GHRL: variants seen among roughly 807,000 people sequenced by gnomAD.
GHRL encodes ghrelin and obestatin prepropeptide, also known as appetite-regulating hormone.
A neutral mutation model predicts 16.9 loss-of-function variants in GHRL; 24 were observed. The ratio of observed to expected loss-of-function variants is 1.42; its 90% CI spans 1.03 to 2.00. The LOEUF is 2.00. Among genes scored for constraint, GHRL ranks in the 30% most tolerant of loss-of-function variants. The pLI is 0.00. For missense variants in GHRL, 193 were observed against 142.1 expected, an observed-to-expected ratio of 1.36 and a Z score of -1.82; for synonymous variants, 63 against 58.2, an observed-to-expected ratio of 1.08 and a Z score of -0.37.
In GHRL at chr3:10,290,142, G is replaced by A. The variant is rs1338000290; in HGVS notation, c.39C>T (p.Leu13=). Reference sequence around the variant, plus strand: ...TGGCCAAGTCCAGCCAGAGCATGCCGAGGAGCAGGAGGCTGCAGACGGTCC... The same window carrying A: ...TGGCCAAGTCCAGCCAGAGCATGCCAAGGAGCAGGAGGCTGCAGACGGTCC... ...SPGTVCSLLL[L]GMLWLDLAMA... is the part of the protein sequence containing the mutation. The change falls in exon 3 of 6, where the codon CTC becomes CTT. Residue 13 remains leucine, a synonymous_variant. Coordinates refer to ENST00000335542, the MANE Select transcript of GHRL (RefSeq NM_016362.5). The A allele has an allele frequency of 1.2e-6, 2 of 1,613,096 alleles. No individual in the cohort carries two copies. The highest frequency in any genetic ancestry group is 1.7e-6 in the Non-Finnish European group (2 of 1,179,830).
At position 10,286,810 on chromosome 3, in the gene GHRL, G is replaced by T; in HGVS notation, c.228C>A (p.Phe76Leu). The T allele has an allele frequency of 6.3e-7, 1 of 1,593,562 alleles. No individual in the cohort carries two copies. Among genetic ancestry groups the T allele is most frequent in the South Asian group, 1.1e-5 (1 of 90,598 alleles). ...TGATTCCAACATCAAAGGGGGCGTT[G>T]AACTAGGAGGCAGGGCAGGGAGGAC... ...EGAEDELEVR[F>L]NAPFDVGIKL... Residue 76 changes from phenylalanine to leucine, a missense_variant and splice_region_variant, in exon 5 of 6, where the codon TTC becomes TTA. Phe to Leu is a conservative substitution (Grantham distance 22). Coordinates refer to ENST00000335542, the MANE Select transcript of GHRL (RefSeq NM_016362.5).
In GHRL at chr3:10,290,730, G is replaced by A. The variant is rs186274860; in HGVS notation, c.-44C>T. On this transcript the variant is annotated 5_prime_UTR_variant, in exon 2 of 6. Coordinates refer to ENST00000335542, the MANE Select transcript of GHRL (RefSeq NM_016362.5). ...AGAGAGCTTACCTGCAGTTCCTGGC[G>A]GAGGTGGTGCCTGGTGGCTGTCAGG... 1.5e-3 allele frequency: 1,503 copies of A among 1,000,044 alleles called. No individual in the cohort carries two copies. Among genetic ancestry groups the A allele is most frequent in the Non-Finnish European group, 1.8e-3 (1,469 of 839,110 alleles). 61.9% of individuals were successfully genotyped at this position (1,000,044 alleles called of 1,614,324 possible).
chr3:10,292,538 T>C, intron 1 of GHRL: 1 of 383,984 alleles, frequency 2.6e-6, no homozygotes, highest in Non-Finnish European at 4.6e-6. Flanking sequence ...ACAAAGTACC[T>C]CCTGTTGGTA....
At chr3:10,292,815 C>A in intron 1 of GHRL, 27 bp downstream of exon 1, 1 of 1,369,414 alleles carries the variant, frequency 7.3e-7, no homozygotes. Context: ...GACCAGGTAC[C>A]TCCTGAGACA....
Position 10,290,787 on chromosome 3 carries a change from AAC to A in GHRL, c.-103_-102del. 1 of 989,232 alleles carries A rather than the reference AAC, an allele frequency of 1.0e-6. No homozygotes were observed. The highest frequency in any genetic ancestry group is 1.2e-6 in the Non-Finnish European group (1 of 832,390). The allele number at this position is 989,232 out of a possible 1,614,324, so 61.3% of individuals were successfully genotyped here. ...TATAGGATGACTGGCGTTTGTTCTA[AAC>A]CAGCAACCCCATCCCAGAGGTGGCC... On this transcript the variant is annotated 5_prime_UTR_variant, in exon 2 of 6. It introduces an in-frame stop codon into an upstream open reading frame of the 5' UTR. Transcript: ENST00000335542.
Position 10,292,864 on chromosome 3 carries a change from G to C in GHRL, c.-788C>G. The C allele has an allele frequency of 6.5e-7, 1 of 1,547,980 alleles. No homozygotes were observed. The highest frequency in any genetic ancestry group is 1.4e-5 in the African/African-American group (1 of 72,972). On this transcript the variant is annotated 5_prime_UTR_variant, in exon 1 of 6. Transcript: ENST00000335542. ...TACCTGGACCCTGGAGGCCTCTCCG[G>C]GCACAGCTGCCAATGTTGATCTTAG...
chr3:10,292,887 T>C lies in GHRL; in HGVS notation c.-811A>G. Reference sequence around the variant, plus strand: ...CGGGCACAGCTGCCAATGTTGATCTTAGATAAGACCACCAGCAAGTAAACA... The same window carrying C: ...CGGGCACAGCTGCCAATGTTGATCTCAGATAAGACCACCAGCAAGTAAACA... On this transcript the variant is annotated 5_prime_UTR_variant, in exon 1 of 6. Transcript: ENST00000335542. 7 of 1,549,300 alleles carry C rather than the reference T, an allele frequency of 4.5e-6. No homozygotes were observed. The South Asian group carries it at 6.0e-5, about 13-fold the overall frequency.
intron 4 of GHRL, among the ~76,000 whole-genome samples, chr3:10,289,446 G>T (rs1699603809): frequency 6.6e-6 from 1 of 152,208 alleles, no homozygotes; most frequent in African/African-American, 2.4e-5. Context: ...GTTTATTTCT[G>T]GGTGTCTTTG....
intron 4 of GHRL, among the ~76,000 whole-genome samples, chr3:10,289,264 C>A (rs1699564199): frequency 6.6e-6 from 1 of 152,218 alleles, no homozygotes; most frequent in African/African-American, 2.4e-5. Context: ...ATCACCCACA[C>A]CTGCCCCCTC....
In GHRL at chr3:10,289,885, G is replaced by C; in HGVS notation, c.109-7C>G. The C allele has an allele frequency of 6.2e-7, 1 of 1,602,306 alleles. No homozygotes were observed. Among genetic ancestry groups the C allele is most frequent in the Non-Finnish European group, 8.5e-7 (1 of 1,170,358 alleles). The stretch of plus-strand genomic sequence containing the variant: ...TCTTCGACTCCTTTCTCTGCTGGAA[G>C]GGGGAAACAGTCTGTTTAGGACTCT... On this transcript the variant is annotated splice_polypyrimidine_tract_variant and splice_region_variant and intron_variant, in intron 3 of 5. Coordinates refer to ENST00000335542, the MANE Select transcript of GHRL (RefSeq NM_016362.5).
intron 1 of GHRL, chr3:10,292,370 G>T: frequency 5.9e-6 from 1 of 168,246 alleles, no homozygotes. Context: ...AGGACGTCCA[G>T]TGAGGAGGAC....
chr3:10,288,366 C>T (rs55963574), intron 4 of GHRL: 4,221 of 152,840 alleles, frequency 0.028, 188 homozygotes, highest in African/African-American at 0.095. Context: ...ACCCCCCAGG[C>T]GTTTGACTTC....
chr3:10,288,383 C>T (rs1197784276), intron 4 of GHRL, among the ~76,000 whole-genome samples: 1 of 152,158 alleles, frequency 6.6e-6, no homozygotes, highest in East Asian at 1.9e-4. Context: ...CTTCTGGTTC[C>T]AGCCAAGGCA....
At chr3:10,285,916 A>G in intron 5 of GHRL, 22 bp from the exon 6 acceptor site, 1 of 1,610,924 alleles carries the variant, frequency 6.2e-7, no homozygotes, top group Non-Finnish European at 8.5e-7. Flanking sequence ...GAGGTTGAGT[A>G]AGAATGCTGG....
intron 5 of GHRL, among the ~76,000 whole-genome samples, chr3:10,286,248 A>C (rs2125193091): frequency 6.6e-6 from 1 of 152,298 alleles, no homozygotes; most frequent in Non-Finnish European, 1.5e-5. Context: ...GAGGGGATTC[A>C]AAGCAAACCC....
intron 4 of GHRL, among the ~76,000 whole-genome samples, chr3:10,289,010 A>G (rs1374719347): frequency 6.6e-6 from 1 of 152,114 alleles, no homozygotes; most frequent in Non-Finnish European, 1.5e-5. Context: ...GGGCAGTTAG[A>G]GGTGAAGTTG....
At chr3:10,289,037 C>A (rs537274994) in intron 4 of GHRL, among the ~76,000 whole-genome samples, 1 of 152,110 alleles carries the variant, frequency 6.6e-6, no homozygotes, top group Non-Finnish European at 1.5e-5. Context: ...TCGGGCACAG[C>A]GTCTAATAGC....
rs375352854 is a variant in GHRL, at chr3:10,290,709, A to C, written c.-30+7T>G. ...GCAAACGCACACGGAGAGTAGAGAG[A>C]GCTTACCTGCAGTTCCTGGCGGAGG... On this transcript the variant is annotated splice_region_variant and intron_variant, in intron 2 of 5. Coordinates refer to ENST00000335542, the MANE Select transcript of GHRL (RefSeq NM_016362.5). 5.5e-4 allele frequency: 553 copies of C among 1,004,182 alleles called. No homozygotes were observed. The highest frequency in any genetic ancestry group is 2.2e-3 in the African/African-American group (129 of 57,860). 62.2% of individuals were successfully genotyped at this position (1,004,182 alleles called of 1,614,324 possible).
Position 10,292,867 on chromosome 3 carries a change from A to G in GHRL, c.-791T>C. The G allele has an allele frequency of 6.5e-7, 1 of 1,548,816 alleles. No homozygotes were observed. Among genetic ancestry groups the G allele is most frequent in the Non-Finnish European group, 8.7e-7 (1 of 1,145,088 alleles). ...CTGGACCCTGGAGGCCTCTCCGGGC[A>G]CAGCTGCCAATGTTGATCTTAGATA... On this transcript the variant is annotated 5_prime_UTR_variant, in exon 1 of 6. Coordinates refer to ENST00000335542, the MANE Select transcript of GHRL (RefSeq NM_016362.5).
Sources: gnomAD v4.1 joint callset for allele counts (sites outside exome capture counted in the v4.1 genomes callset) on GRCh38, gnomAD v4.1.1 for gene constraint, MANE v1.5 for transcripts, NCBI Gene and HGNC (gene_info 2026-07-23, HGNC 2026-07-21) for gene names.